LRP2BP: variants seen among roughly 807,000 people sequenced by gnomAD.
The protein encoded by LRP2BP is LRP2-binding protein.
In LRP2BP, 38 loss-of-function variants were observed where a neutral mutation model predicts 45.2. That is an observed-to-expected ratio of 0.84 (90% CI 0.65 to 1.10). The LOEUF is 1.10. Ranked by LOEUF, LRP2BP falls within the 50% of genes least tolerant of loss-of-function variation. The probability of loss-of-function intolerance (pLI) is 0.00; values close to 1 mark genes in which losing one functional copy is unlikely to be tolerated. For missense variants in LRP2BP, 385 were observed against 418.9 expected, an observed-to-expected ratio of 0.92 and a Z score of 0.71; for synonymous variants, 153 against 153.9, an observed-to-expected ratio of 0.99 and a Z score of 0.04.
At chr4:185,385,836 G>A (rs1049223458) in intron 1 of LRP2BP, among the ~76,000 whole-genome samples, 8 of 149,438 alleles carry the variant, frequency 5.4e-5, no homozygotes, top group Non-Finnish European at 8.9e-5. Flanking sequence ...GGAAGGTGGA[G>A]GTTGCAGTGA....
intron 1 of LRP2BP, 45 bp from the exon 2 acceptor site, chr4:185,378,252 A>G: frequency 1.2e-6 from 2 of 1,600,494 alleles, no homozygotes; most frequent in Non-Finnish European, 1.7e-6. Context: ...TTCTTCCTCC[A>G]GCGAAGTGCA....
rs966611937 is a variant in LRP2BP, at chr4:185,395,141, G to C, written c.-384C>G. On this transcript the variant is annotated 5_prime_UTR_variant, in exon 1 of 9. Transcript: ENST00000505916. ...AATGGACAGGTACGCTGTGATTAAA[G>C]GGAGAAAAGCTGTAACGACTCCCCA... 2.0e-6 allele frequency: 2 copies of C among 985,242 alleles called. No homozygotes were observed. The highest frequency in any genetic ancestry group is 3.5e-5 in the African/African-American group (2 of 57,214). The allele number at this position is 985,242 out of a possible 1,614,324, so 61.0% of individuals were successfully genotyped here.
At chr4:185,371,672 A>C (rs3756276) in intron 7 of LRP2BP, among the ~76,000 whole-genome samples, 8,186 of 151,950 alleles carry the variant, frequency 0.054, 261 homozygotes, top group South Asian at 0.09. Context: ...GGGAGTAGGG[A>C]TGTGGAAAAT....
Position 185,395,896 on chromosome 4 carries a change from C to T in LRP2BP, c.-1139G>A, listed in dbSNP as rs1378085645. 3 of 985,352 alleles carry T rather than the reference C, an allele frequency of 3.0e-6. No homozygotes were observed. The highest frequency in any genetic ancestry group is 3.6e-6 in the Non-Finnish European group (3 of 829,942). The allele number at this position is 985,352 out of a possible 1,614,324, so 61.0% of individuals were successfully genotyped here. ...CTGGAGCTTTGGTTTCTAAGCAGAT[C>T]CTTCTGGAAAGACGCTTAGGGAGAG... On this transcript the variant is annotated 5_prime_UTR_variant, in exon 1 of 9. Coordinates refer to ENST00000505916, the MANE Select transcript of LRP2BP (RefSeq NM_001377440.1).
At chr4:185,368,158 A>G (rs2095397760) in intron 8 of LRP2BP, among the ~76,000 whole-genome samples, 1 of 152,192 alleles carries the variant, frequency 6.6e-6, no homozygotes, top group African/African-American at 2.4e-5. Flanking sequence ...AGCCTGGGCA[A>G]CAGAGCCAGA....
In LRP2BP at chr4:185,395,447, A is replaced by T; in HGVS notation, c.-690T>A. ...TTAAAAAGCAGTGCTTATTGAATTG[A>T]TAAACAAAAGCGAAACTGGCAATAT... On this transcript the variant is annotated 5_prime_UTR_variant, in exon 1 of 9. Transcript: ENST00000505916. 1 of 985,430 alleles carries T rather than the reference A, an allele frequency of 1.0e-6. No homozygotes were observed. The highest frequency in any genetic ancestry group is 1.2e-6 in the Non-Finnish European group (1 of 829,898). 61.0% of individuals were successfully genotyped at this position (985,430 alleles called of 1,614,324 possible). A position where few individuals can be genotyped will look rare whatever the true frequency, so the allele number is the denominator to read the frequency against.
At chr4:185,378,307 C>T in intron 1 of LRP2BP, 100 bp from the exon 2 acceptor site, 1 of 1,490,984 alleles carries the variant, frequency 6.7e-7, no homozygotes, top group Non-Finnish European at 8.9e-7. Flanking sequence ...GAAAAGCATC[C>T]TTCTCTCATC....
intron 1 of LRP2BP, chr4:185,378,647 G>A (rs1184991985): frequency 7.1e-6 from 7 of 987,504 alleles, no homozygotes; most frequent in Non-Finnish European, 8.4e-6. Context: ...ATTTTACCTG[G>A]GAATACACTT....
At chr4:185,386,000 G>GGAA (rs2095470803) in intron 1 of LRP2BP, among the ~76,000 whole-genome samples, 1 of 151,930 alleles carries the variant, frequency 6.6e-6, no homozygotes, top group South Asian at 2.1e-4. Context: ...TCTTTCTCAG[G>GGAA]GAAGATACAG....
At position 185,380,135 on chromosome 4, in the gene LRP2BP, A is replaced by T. The variant is rs528740780; in HGVS notation, c.-21-1928T>A. 1.1e-4 allele frequency among the ~76,000 whole-genome samples: 17 copies of T among 152,070 alleles called. No homozygotes were observed. The East Asian group carries it at 3.3e-3, about 29-fold the overall frequency. On this transcript the variant is annotated intron_variant, in intron 1 of 8. Transcript: ENST00000505916. Reference sequence around the variant, plus strand: ...ACCGTGTCCAGGCAATACAATAAATATTGCCTTTTTGATGGATTTACTGGG... The same window carrying T: ...ACCGTGTCCAGGCAATACAATAAATTTTGCCTTTTTGATGGATTTACTGGG...
Position 185,372,979 on chromosome 4 carries a change from G to T in LRP2BP, c.680C>A (p.Thr227Lys), listed in dbSNP as rs150958039. ...TCTTAAGCACTGCAGGGCAGCTTCC[G>T]TATCCTGCCGGATGCCTTGTCCATA... ...YLYGQGIRQD[T>K]EAALQCLREA... is the part of the protein sequence containing the mutation. Residue 227 changes from threonine (T) to lysine (K), a missense_variant, in exon 7 of 9, where the codon ACG (threonine) becomes AAG (lysine). Transcript: ENST00000505916. 12 of 1,613,808 alleles carry T rather than the reference G, an allele frequency of 7.4e-6. No individual in the cohort carries two copies. The highest frequency in any genetic ancestry group is 5.0e-5 in the Admixed American group (3 of 59,998).
chr4:185,366,344 GAA>G lies in LRP2BP; in HGVS notation c.*834_*835del, dbSNP rs1243360441. The G allele has an allele frequency of 6.6e-6, 1 of 152,164 alleles. No homozygotes were observed. The highest frequency in any genetic ancestry group is 1.5e-5 in the Non-Finnish European group (1 of 68,004). 9.4% of individuals were successfully genotyped at this position (152,164 alleles called of 1,614,324 possible). A position where few individuals can be genotyped will look rare whatever the true frequency, so the allele number is the denominator to read the frequency against. ...TATGGAAAATGAGCTGAAGCACAAA[GAA>G]ACAATTTGCTTTACTTTTCTTACGA... is the stretch of plus-strand genomic sequence containing the variant. On this transcript the variant is annotated 3_prime_UTR_variant, in exon 9 of 9. Transcript: ENST00000505916.
chr4:185,393,105 G>C (rs771846842), intron 1 of LRP2BP, among the ~76,000 whole-genome samples: 1 of 152,060 alleles, frequency 6.6e-6, no homozygotes, highest in Non-Finnish European at 1.5e-5. Flanking sequence ...GCTAATTTTT[G>C]TATTTTTAGT....
At chr4:185,389,279 G>A (rs1222155878) in intron 1 of LRP2BP, among the ~76,000 whole-genome samples, 1 of 151,646 alleles carries the variant, frequency 6.6e-6, no homozygotes. Context: ...CGCAATCTTG[G>A]TTCACTGCAA....
chr4:185,375,242 A>G (rs1207984819), intron 4 of LRP2BP, among the ~76,000 whole-genome samples: 1 of 150,460 alleles, frequency 6.6e-6, no homozygotes, highest in Non-Finnish European at 1.5e-5. Flanking sequence ...TGCCTGGCTA[A>G]TTTTTGTATT....
chr4:185,378,469 G>A, intron 1 of LRP2BP: 1 of 1,210,350 alleles, frequency 8.3e-7, no homozygotes, highest in Non-Finnish European at 1.0e-6. Flanking sequence ...GTCCTGTCTG[G>A]CTATGGGTTT....
intron 8 of LRP2BP, 55 bp from the exon 9 acceptor site, chr4:185,367,300 CTTCTT>C (rs2095391637): frequency 2.2e-6 from 3 of 1,336,606 alleles, no homozygotes; most frequent in Non-Finnish European, 1.0e-6. Flanking sequence ...TTGGGTCTTT[CTTCTT>C]TTTTTTTTTT....
At chr4:185,386,092 A>C (rs2095471093) in intron 1 of LRP2BP, among the ~76,000 whole-genome samples, 1 of 152,156 alleles carries the variant, frequency 6.6e-6, no homozygotes, top group Admixed American at 6.5e-5. Context: ...AAACAAAACA[A>C]AGAGTCGTGG....
At chr4:185,378,416 T>G in intron 1 of LRP2BP, 1 of 1,350,464 alleles carries the variant, frequency 7.4e-7, no homozygotes, top group Non-Finnish European at 9.5e-7. Context: ...ATTCTCCATG[T>G]CATTTTCCAC....
Sources: allele counts gnomAD v4.1 joint callset (sites outside exome capture counted in the v4.1 genomes callset), GRCh38; gene constraint gnomAD v4.1.1; transcripts MANE v1.5; gene names NCBI Gene and HGNC (gene_info 2026-07-23, HGNC 2026-07-21).